The following SNTG1 variants were observed in gnomAD, a reference collection of about 807,000 sequenced individuals.
SNTG1 encodes the protein gamma-1-syntrophin.
Under a neutral mutation model 74.7 loss-of-function variants are expected in SNTG1, and 39 were observed. The observed-to-expected ratio is 0.52, with a 90% CI of 0.40 to 0.68. The LOEUF is 0.68. SNTG1 is among the 30% of genes least tolerant of loss of function. SNTG1 has a pLI of 0.00. For synonymous variants in SNTG1, 254 were observed against 217.1 expected (o/e 1.17, Z -1.49); for missense variants, 685 against 609.5 (o/e 1.12, Z -1.30).
chr8:50,775,353 A>C lies in SNTG1; in HGVS notation c.1396-17318A>C, dbSNP rs72645847. Among the ~76,000 whole-genome samples, 281 of 151,782 alleles carry C rather than the reference A, an allele frequency of 1.9e-3. 4 individuals carry two copies. Among genetic ancestry groups the C allele is most frequent in the Non-Finnish European group, 3.5e-3 (237 of 67,672 alleles). ...TCCTGTTCTATTTTTATTGTTATTC[A>C]GTTCAATGTATTTTTTTATTTCTTT... On this transcript the variant is annotated intron_variant, in intron 18 of 18. Transcript: ENST00000642720.
At chr8:50,255,220 G>A (rs1322843647) in intron 2 of SNTG1, among the ~76,000 whole-genome samples, 1 of 152,024 alleles carries the variant, frequency 6.6e-6, no homozygotes, top group Non-Finnish European at 1.5e-5. Flanking sequence ...TATAATGTCA[G>A]ACTTTTAGAA....
intron 15 of SNTG1, among the ~76,000 whole-genome samples, chr8:50,660,468 G>A (rs2095216603): frequency 6.7e-6 from 1 of 148,800 alleles, no homozygotes; most frequent in Non-Finnish European, 1.5e-5. Flanking sequence ...GGAAGGGCAG[G>A]GAGTGCACAG....
intron 13 of SNTG1, among the ~76,000 whole-genome samples, chr8:50,593,908 G>A (rs1030664266): frequency 1.2e-4 from 19 of 152,070 alleles, no homozygotes; most frequent in African/African-American, 4.3e-4. Context: ...AGTAGAAACA[G>A]GGATTCACCG....
chr8:50,703,918 G>A (rs898940234), intron 15 of SNTG1, among the ~76,000 whole-genome samples: 3 of 152,094 alleles, frequency 2.0e-5, no homozygotes, highest in African/African-American at 7.2e-5. Context: ...TATCTGACAT[G>A]TTGCATTGGG....
At chr8:50,358,509 G>A (rs1563938472) in intron 2 of SNTG1, among the ~76,000 whole-genome samples, 1 of 152,146 alleles carries the variant, frequency 6.6e-6, no homozygotes, top group Non-Finnish European at 1.5e-5. Flanking sequence ...ATTAGTCCAG[G>A]ACCGCAGTTA....
intron 3 of SNTG1, among the ~76,000 whole-genome samples, chr8:50,398,687 G>A (rs986672625): frequency 2.6e-5 from 4 of 152,226 alleles, no homozygotes; most frequent in Non-Finnish European, 5.9e-5. Flanking sequence ...AGCACTTTGG[G>A]AGGCCGAGGC....
chr8:50,395,469 G>A (rs1273514723), intron 3 of SNTG1, among the ~76,000 whole-genome samples: 1 of 146,056 alleles, frequency 6.8e-6, no homozygotes, highest in Non-Finnish European at 1.5e-5. Context: ...TAATGTTCTA[G>A]AAGCTTTGTA....
chr8:50,361,559 C>CA (rs2091959981), intron 2 of SNTG1, among the ~76,000 whole-genome samples: 2 of 152,230 alleles, frequency 1.3e-5, no homozygotes, highest in South Asian at 4.1e-4. Context: ...AGACGGGACT[C>CA]AAAGTCGCTG....
chr8:50,507,434 A>G (rs759364988), intron 9 of SNTG1, among the ~76,000 whole-genome samples: 4 of 152,116 alleles, frequency 2.6e-5, no homozygotes, highest in Non-Finnish European at 4.4e-5. Context: ...GTAAAGTTCT[A>G]CAGTAAAACC....
chr8:50,742,523 T>C (rs1021586293), intron 17 of SNTG1, among the ~76,000 whole-genome samples: 3 of 151,588 alleles, frequency 2.0e-5, no homozygotes, highest in African/African-American at 7.3e-5. Context: ...AAGGGAAACT[T>C]GTAGGAGTAT....
chr8:50,083,615 A>C (rs1373526820), intron 1 of SNTG1, among the ~76,000 whole-genome samples: 1 of 152,236 alleles, frequency 6.6e-6, no homozygotes, highest in African/African-American at 2.4e-5. Context: ...AATTCTGTTA[A>C]TCAGAAATAG....
chr8:50,073,731 T>C (rs916655458), intron 1 of SNTG1, among the ~76,000 whole-genome samples: 4 of 152,058 alleles, frequency 2.6e-5, no homozygotes, highest in South Asian at 2.1e-4. Flanking sequence ...AACATTAATC[T>C]CCTTGTATGT....
At chr8:50,694,590 T>A (rs113185604) in intron 15 of SNTG1, among the ~76,000 whole-genome samples, 156 of 152,172 alleles carry the variant, frequency 1.0e-3, no homozygotes, top group African/African-American at 3.6e-3. Flanking sequence ...TTTATGAGGA[T>A]AACATTACCC....
chr8:50,707,471 A>C (rs2095447151), intron 16 of SNTG1, among the ~76,000 whole-genome samples: 2 of 152,122 alleles, frequency 1.3e-5, no homozygotes, highest in African/African-American at 4.8e-5. Flanking sequence ...TTTTTAAAAA[A>C]ATGTAACTCT....
intron 13 of SNTG1, among the ~76,000 whole-genome samples, chr8:50,627,704 A>G (rs2094966092): frequency 6.6e-6 from 1 of 152,162 alleles, no homozygotes; most frequent in African/African-American, 2.4e-5. Flanking sequence ...TTTTACTTCT[A>G]ATTATCAGTT....
intron 2 of SNTG1, among the ~76,000 whole-genome samples, chr8:50,276,707 T>G (rs1440457896): frequency 6.6e-6 from 1 of 152,124 alleles, no homozygotes; most frequent in African/African-American, 2.4e-5. Context: ...AAAATAACAT[T>G]TTTATACATA....
intron 13 of SNTG1, among the ~76,000 whole-genome samples, chr8:50,615,813 G>T (rs1045724703): frequency 1.4e-4 from 22 of 152,260 alleles, no homozygotes; most frequent in African/African-American, 5.3e-4. Flanking sequence ...ACCACATCTG[G>T]GGCTGCAAAG....
At chr8:50,081,604 T>C (rs1363566604) in intron 1 of SNTG1, among the ~76,000 whole-genome samples, 1 of 152,088 alleles carries the variant, frequency 6.6e-6, no homozygotes, top group Non-Finnish European at 1.5e-5. Flanking sequence ...TGAAGGCCTG[T>C]TCACTTCGTT....
intron 2 of SNTG1, among the ~76,000 whole-genome samples, chr8:50,331,709 G>T (rs993165565): frequency 2.6e-5 from 4 of 152,122 alleles, no homozygotes; most frequent in Non-Finnish European, 5.9e-5. Context: ...GGTGCTTGCT[G>T]GTATAGAGAA....
Sources: gnomAD v4.1 joint callset for allele counts (sites outside exome capture counted in the v4.1 genomes callset) on GRCh38, gnomAD v4.1.1 for gene constraint, MANE v1.5 for transcripts, NCBI Gene and HGNC (gene_info 2026-07-23, HGNC 2026-07-21) for gene names.